Variants in TEX11 observed in about 807,000 individuals in gnomAD.
The protein encoded by TEX11 is testis expressed 11.
In TEX11, 7 loss-of-function variants were observed where a neutral mutation model predicts 84.4. The ratio of observed to expected loss-of-function variants is 0.08; its 90% confidence interval spans 0.05 to 0.16. The LOEUF (loss-of-function observed/expected upper bound fraction) is 0.16. TEX11 is among the 10% of genes least tolerant of loss of function. TEX11 has a pLI of 1.00. For synonymous variants in TEX11, 264 were observed against 222.8 expected, an observed-to-expected ratio of 1.18 and a Z score of -1.64; for missense variants, 551 against 660.5, an observed-to-expected ratio of 0.83 and a Z score of 1.82.
intron 25 of TEX11, among the ~76,000 whole-genome samples, chrX:70,581,218 C>G (rs1298677240): frequency 1.9e-5 from 2 of 107,302 alleles, no homozygotes; most frequent in Non-Finnish European, 3.8e-5. Flanking sequence ...GTTGCCCAGG[C>G]TGGTCTTGAA....
chrX:70,593,657 A>G (rs369173859), intron 24 of TEX11, among the ~76,000 whole-genome samples: 2 of 112,358 alleles, frequency 1.8e-5, no homozygotes, highest in South Asian at 7.4e-4. Context: ...AAAAATGTTC[A>G]TCAAAAATGA....
Position 70,558,719 on chromosome X carries a change from TA to T in TEX11, c.2141-3920del, listed in dbSNP as rs1188966224. On this transcript the variant is annotated intron_variant, in intron 25 of 29. Coordinates refer to ENST00000374333, the MANE Select transcript of TEX11 (RefSeq NM_031276.3). ...ATAAATAACTCTTGCTATTCAATAA[TA>T]AAAGGCAGCCTAATGAAAAATTGGG... Among the ~76,000 whole-genome samples, 3 of 111,357 alleles carry T rather than the reference TA, an allele frequency of 2.7e-5. No individual in the cohort carries two copies. In the East Asian group the frequency reaches 8.4e-4, roughly 31 times the overall value.
At chrX:70,829,141 C>G (rs768776426) in intron 8 of TEX11, among the ~76,000 whole-genome samples, 2 of 111,506 alleles carry the variant, frequency 1.8e-5, no homozygotes, top group African/African-American at 3.3e-5. Flanking sequence ...TGTTAATGAG[C>G]AAGAAGAAAT....
chrX:70,635,647 G>A (rs1199130806), intron 17 of TEX11, among the ~76,000 whole-genome samples: 5 of 112,202 alleles, frequency 4.5e-5, no homozygotes, highest in Non-Finnish European at 9.4e-5. Flanking sequence ...CGTAGCCCCA[G>A]GCTTCAGGTC....
chrX:70,641,668 G>A (rs1348417282), intron 17 of TEX11, among the ~76,000 whole-genome samples: 12 of 111,286 alleles, frequency 1.1e-4, no homozygotes, highest in Admixed American at 6.7e-4. Flanking sequence ...CTCAATGACT[G>A]CTGGGTACAT....
intron 25 of TEX11, 72 bp downstream of exon 25, chrX:70,591,679 G>T: frequency 1.2e-6 from 1 of 835,982 alleles, no homozygotes; most frequent in Non-Finnish European, 1.7e-6. Context: ...AATTTCTGGT[G>T]ACAAAAGACT....
intron 15 of TEX11, among the ~76,000 whole-genome samples, chrX:70,678,107 C>T (rs1408956890): frequency 4.5e-5 from 5 of 111,177 alleles, no homozygotes; most frequent in African/African-American, 1.6e-4. Context: ...CCACCACGCC[C>T]GGCCAATGCT....
chrX:70,806,236 C>A lies in TEX11; in HGVS notation c.692+469G>T, dbSNP rs190369486. ...TTGAGAGACCGAGGCAGGTGGATTGCCTGAGCTCAAGAGTTTGAGAACAGC... is the reference window on the plus strand; with the variant it reads ...TTGAGAGACCGAGGCAGGTGGATTGACTGAGCTCAAGAGTTTGAGAACAGC... On this transcript the variant is annotated intron_variant, in intron 9 of 29. Coordinates refer to ENST00000374333, the MANE Select transcript of TEX11 (RefSeq NM_031276.3). Among the ~76,000 whole-genome samples the A allele has an allele frequency of 4.5e-5, 5 of 111,867 alleles. No individual in the cohort carries two copies. In the East Asian group the frequency reaches 1.4e-3, roughly 31 times the overall value.
At chrX:70,794,044 C>T (rs1251306131) in intron 9 of TEX11, among the ~76,000 whole-genome samples, 1 of 111,735 alleles carries the variant, frequency 8.9e-6, no homozygotes, top group African/African-American at 3.3e-5. Context: ...TTTGTAGGAA[C>T]CAAAAATCAG....
chrX:70,763,538 C>A (rs960400981), intron 9 of TEX11, among the ~76,000 whole-genome samples: 6 of 109,129 alleles, frequency 5.5e-5, no homozygotes, highest in Non-Finnish European at 1.1e-4. Context: ...TCAGAAAAAA[C>A]ACTAAAGAAC....
intron 25 of TEX11, among the ~76,000 whole-genome samples, chrX:70,569,300 T>C (rs1187857515): frequency 9.0e-6 from 1 of 111,566 alleles, no homozygotes; most frequent in African/African-American, 3.3e-5. Context: ...TCTAGTTATA[T>C]ATTCGTCTAA....
intron 16 of TEX11, 55 bp from the exon 17 acceptor site, chrX:70,651,607 A>G (rs2147608676): frequency 1.1e-6 from 1 of 910,629 alleles, no homozygotes; most frequent in African/African-American, 2.0e-5. Flanking sequence ...AGGACTTACC[A>G]TATTTTACTA....
intron 13 of TEX11, among the ~76,000 whole-genome samples, chrX:70,721,153 C>T (rs1446737268): frequency 9.0e-6 from 1 of 111,412 alleles, no homozygotes; most frequent in African/African-American, 3.3e-5. Context: ...TAGTAAAAAG[C>T]AAGTATCAGT....
At chrX:70,668,409 T>C (rs1433913298) in intron 16 of TEX11, among the ~76,000 whole-genome samples, 1 of 112,304 alleles carries the variant, frequency 8.9e-6, no homozygotes, top group African/African-American at 3.2e-5. Flanking sequence ...TTTTTTCACC[T>C]TTCTGTCTGT....
At chrX:70,592,817 T>C (rs1432947525) in intron 24 of TEX11, among the ~76,000 whole-genome samples, 2 of 111,196 alleles carry the variant, frequency 1.8e-5, no homozygotes, top group Non-Finnish European at 3.8e-5. Context: ...TGACTTTAAT[T>C]GGAACAGAGC....
At chrX:70,629,374 G>A (rs2089483404) in intron 18 of TEX11, among the ~76,000 whole-genome samples, 4 of 111,661 alleles carry the variant, frequency 3.6e-5, no homozygotes, top group South Asian at 7.4e-4. Flanking sequence ...GTTTTGCTAC[G>A]TTTATTTTTA....
chrX:70,531,221 A>G (rs2087884201), intron 28 of TEX11, among the ~76,000 whole-genome samples: 1 of 111,659 alleles, frequency 9.0e-6, no homozygotes, highest in South Asian at 3.8e-4. Flanking sequence ...TGCCTGGCAC[A>G]TAAGAGGCAC....
chrX:70,577,841 C>T (rs890516366), intron 25 of TEX11, among the ~76,000 whole-genome samples: 5 of 109,225 alleles, frequency 4.6e-5, no homozygotes, highest in Non-Finnish European at 9.6e-5. Context: ...GATTCTCCTG[C>T]TTCAGCCTAC....
rs1270106101 is a variant in TEX11 at position 70,894,575 on chromosome X, A to C, written c.37+13178T>G. On this transcript the variant is annotated intron_variant, in intron 2 of 29. Transcript: ENST00000374333. ...CGGGAGGAAGAGGTTGCAGTGAGCC[A>C]AGATTGCGCCACTGCCCTCTAGCCT... is the stretch of plus-strand genomic sequence containing the variant. 5.5e-5 allele frequency among the ~76,000 whole-genome samples: 6 copies of C among 109,518 alleles called. No individual in the cohort carries two copies. In the Admixed American group the frequency reaches 5.9e-4, roughly 11 times the overall value.
Sources: allele counts gnomAD v4.1 joint callset (sites outside exome capture counted in the v4.1 genomes callset), GRCh38; gene constraint gnomAD v4.1.1; transcripts MANE v1.5; gene names NCBI Gene and HGNC (gene_info 2026-07-23, HGNC 2026-07-21).